Variants in LOC128125817 observed in about 807,000 individuals in gnomAD.
chr1:41,618,191 G>A, the LOC128125817 span, among the ~76,000 whole-genome samples: 1 of 152,346 alleles, frequency 6.6e-6, no homozygotes, highest in East Asian at 1.9e-4. Context: ...TTGTTCCGCT[G>A]CGGGATGGTG....
At chr1:41,593,032 C>G in the LOC128125817 span, among the ~76,000 whole-genome samples, 1 of 152,180 alleles carries the variant, frequency 6.6e-6, no homozygotes, top group Non-Finnish European at 1.5e-5. Flanking sequence ...CTGTCCCCTG[C>G]CTCTCCTTTG....
At chr1:41,620,533 T>C in the LOC128125817 span, among the ~76,000 whole-genome samples, 1 of 152,300 alleles carries the variant, frequency 6.6e-6, no homozygotes, top group South Asian at 2.1e-4. Flanking sequence ...CCTCAAGCTT[T>C]GGTCTCTAAT....
chr1:41,618,192 C>A, the LOC128125817 span, among the ~76,000 whole-genome samples: 1 of 152,318 alleles, frequency 6.6e-6, no homozygotes, highest in East Asian at 1.9e-4. Context: ...TGTTCCGCTG[C>A]GGGATGGTGC....
chr1:41,605,460 T>C, the LOC128125817 span, among the ~76,000 whole-genome samples: 190 of 152,222 alleles, frequency 1.2e-3, no homozygotes, highest in Non-Finnish European at 2.0e-3. Context: ...TTCTGGTTTG[T>C]GTACATAACT....
At chr1:41,594,481 C>T in the LOC128125817 span, among the ~76,000 whole-genome samples, 20 of 152,156 alleles carry the variant, frequency 1.3e-4, no homozygotes, top group African/African-American at 4.8e-4. Context: ...CTCAGCCTCC[C>T]GAAGTGCTGG....
At chr1:41,599,301 T>C in the LOC128125817 span, among the ~76,000 whole-genome samples, 3 of 152,144 alleles carry the variant, frequency 2.0e-5, no homozygotes, top group Non-Finnish European at 4.4e-5. Context: ...GATTAAACAA[T>C]AAAGCTTGTA....
At chr1:41,595,195 A>G in the LOC128125817 span, among the ~76,000 whole-genome samples, 2 of 151,982 alleles carry the variant, frequency 1.3e-5, no homozygotes, top group African/African-American at 4.8e-5. Flanking sequence ...CCTCCTAATC[A>G]CCTTGCTTCC....
the LOC128125817 span, among the ~76,000 whole-genome samples, chr1:41,594,571 A>G: frequency 2.0e-5 from 3 of 152,138 alleles, no homozygotes; most frequent in African/African-American, 7.2e-5. Context: ...GAGGCTTAGC[A>G]TTTTTGCATA....
At chr1:41,590,584 C>T in the LOC128125817 span, among the ~76,000 whole-genome samples, 1 of 152,206 alleles carries the variant, frequency 6.6e-6, no homozygotes, top group Non-Finnish European at 1.5e-5. Context: ...AGCAAAGCCA[C>T]CTGCCCCTGA....
At chr1:41,622,915 CA>C in the LOC128125817 span, among the ~76,000 whole-genome samples, 1 of 152,226 alleles carries the variant, frequency 6.6e-6, no homozygotes. Flanking sequence ...GCCCTTTACA[CA>C]TATTCATTTA....
chr1:41,606,159 C>T, the LOC128125817 span, among the ~76,000 whole-genome samples: 1 of 151,486 alleles, frequency 6.6e-6, no homozygotes, highest in Non-Finnish European at 1.5e-5. Context: ...CTCTCTCTCC[C>T]AATTTCCTTC....
At chr1:41,603,058 T>G in the LOC128125817 span, among the ~76,000 whole-genome samples, 1 of 152,042 alleles carries the variant, frequency 6.6e-6, no homozygotes, top group Non-Finnish European at 1.5e-5. Context: ...TTTCTATTTA[T>G]TTATTTATTT....
chr1:41,600,314 C>G, the LOC128125817 span, among the ~76,000 whole-genome samples: 4 of 152,128 alleles, frequency 2.6e-5, no homozygotes, highest in African/African-American at 9.7e-5. Flanking sequence ...TGGAAGCAAT[C>G]CAAATGTCCA....
At chr1:41,598,062 A>G in the LOC128125817 span, among the ~76,000 whole-genome samples, 1 of 152,210 alleles carries the variant, frequency 6.6e-6, no homozygotes, top group African/African-American at 2.4e-5. Context: ...TATGAACTTA[A>G]CTCAACCTGT....
chr1:41,625,233 A>G, the LOC128125817 span, among the ~76,000 whole-genome samples: 2 of 101,382 alleles, frequency 2.0e-5, no homozygotes, highest in Non-Finnish European at 4.0e-5. Flanking sequence ...ACGAAACAAG[A>G]AAGAAAAAGG....
At chr1:41,619,440 T>C in the LOC128125817 span, among the ~76,000 whole-genome samples, 3,222 of 152,350 alleles carry the variant, frequency 0.021, 123 homozygotes, top group African/African-American at 0.074. Context: ...ATATACAGTC[T>C]ATAGAGAGTG....
chr1:41,621,985 T>A, the LOC128125817 span, among the ~76,000 whole-genome samples: 1 of 152,322 alleles, frequency 6.6e-6, no homozygotes. Context: ...ACACAGACCA[T>A]CATCATTTCC....
At chr1:41,611,346 C>G in the LOC128125817 span, among the ~76,000 whole-genome samples, 1 of 152,098 alleles carries the variant, frequency 6.6e-6, no homozygotes, top group Admixed American at 6.5e-5. Flanking sequence ...AATTCCATCT[C>G]GTAACAAAGA....
chr1:41,613,909 C>T, the LOC128125817 span, among the ~76,000 whole-genome samples: 5 of 152,196 alleles, frequency 3.3e-5, no homozygotes, highest in African/African-American at 4.8e-5. Flanking sequence ...TGGAATCACC[C>T]GCCATATGTC....
Sources: gnomAD v4.1 joint callset for allele counts (sites outside exome capture counted in the v4.1 genomes callset) on GRCh38, gnomAD v4.1.1 for gene constraint, MANE v1.5 for transcripts.